The following NKAIN2 variants were observed in gnomAD, a reference collection of about 807,000 sequenced individuals.
The protein encoded by NKAIN2 is sodium/potassium-transporting ATPase subunit beta-1-interacting protein 2.
Under a neutral mutation model 32.6 loss-of-function variants are expected in NKAIN2, and 14 were observed. The ratio of observed to expected loss-of-function variants is 0.43; its 90% CI spans 0.28 to 0.67. The LOEUF (loss-of-function observed/expected upper bound fraction) is 0.67. Among genes scored for constraint, NKAIN2 ranks in the 30% least tolerant of loss-of-function variants. The pLI is 0.17. For synonymous variants in NKAIN2, 80 were observed against 87.2 expected (o/e 0.92, Z 0.46); for missense variants, 198 against 258.3 (o/e 0.77, Z 1.60).
At chr6:124,347,001 C>T (rs1030605988) in intron 2 of NKAIN2, among the ~76,000 whole-genome samples, 9 of 152,130 alleles carry the variant, frequency 5.9e-5, no homozygotes, top group Admixed American at 2.0e-4. Context: ...TTTAGTGCTT[C>T]CTTCAGGAGC....
intron 4 of NKAIN2, among the ~76,000 whole-genome samples, chr6:124,767,562 C>T (rs984695163): frequency 6.6e-6 from 1 of 152,192 alleles, no homozygotes; most frequent in African/African-American, 2.4e-5. Flanking sequence ...AATATCTACT[C>T]AGCTCTTTAT....
chr6:124,819,460 T>G (rs1369294501), intron 6 of NKAIN2, among the ~76,000 whole-genome samples: 1 of 152,202 alleles, frequency 6.6e-6, no homozygotes, highest in Non-Finnish European at 1.5e-5. Context: ...AAAACAGACT[T>G]TAGCAGTTCA....
At chr6:123,940,370 G>GTA (rs1392697746) in intron 1 of NKAIN2, among the ~76,000 whole-genome samples, 1 of 148,242 alleles carries the variant, frequency 6.7e-6, no homozygotes, top group Non-Finnish European at 1.5e-5. Flanking sequence ...GTGTGTATAT[G>GTA]TATATATATA....
At chr6:124,616,615 C>T (rs533621594) in intron 3 of NKAIN2, among the ~76,000 whole-genome samples, 52 of 150,976 alleles carry the variant, frequency 3.4e-4, no homozygotes, top group African/African-American at 1.2e-3. Context: ...CAGCCGCCCG[C>T]CACCACGCCC....
chr6:124,340,378 T>A (rs751372406), intron 2 of NKAIN2, among the ~76,000 whole-genome samples: 15 of 152,172 alleles, frequency 9.9e-5, no homozygotes, highest in Non-Finnish European at 2.1e-4. Context: ...GCCTTTTCTT[T>A]TTTTAGCTTT....
intron 4 of NKAIN2, among the ~76,000 whole-genome samples, chr6:124,671,299 G>T (rs937724503): frequency 2.0e-5 from 3 of 151,996 alleles, no homozygotes; most frequent in Non-Finnish European, 4.4e-5. Flanking sequence ...TATTATTGAG[G>T]TTATAACGTT....
rs1005830963 is a variant in NKAIN2, at chr6:123,982,023, A to C, written c.54+177769A>C. On this transcript the variant is annotated intron_variant, in intron 1 of 6. Transcript: ENST00000368417. ...CTATGTAATCTTTTTATAAGCTTGA[A>C]ACATTTTCTGTAGGTTAAGTCTAGC... Among the ~76,000 whole-genome samples the C allele has an allele frequency of 2.6e-5, 4 of 152,202 alleles. No individual in the cohort carries two copies. In the East Asian group the frequency reaches 5.8e-4, roughly 22 times the overall value.
chr6:124,815,443 T>C (rs1209203039), intron 5 of NKAIN2, among the ~76,000 whole-genome samples: 2 of 151,898 alleles, frequency 1.3e-5, no homozygotes, highest in Non-Finnish European at 2.9e-5. Context: ...TTAATTTTTG[T>C]ATTTTTAGTA....
chr6:123,867,755 A>G (rs1419145081), intron 1 of NKAIN2, among the ~76,000 whole-genome samples: 2 of 152,130 alleles, frequency 1.3e-5, no homozygotes, highest in African/African-American at 2.4e-5. Flanking sequence ...AATCTTTCTC[A>G]AAGCACACCT....
rs5879701 is a variant in NKAIN2, at chr6:123,827,820, TAA to T, written c.54+23575_54+23576del. Among the ~76,000 whole-genome samples the T allele has an allele frequency of 3.4e-5, 5 of 148,870 alleles. No homozygotes were observed. The East Asian group carries it at 5.9e-4, about 18-fold the overall frequency. ...GAAACATAAATAGCATTGGCTCTGTTAAAAAAAAAATTACAGAGTAGAATTAG... is the reference window on the plus strand; with the variant it reads ...GAAACATAAATAGCATTGGCTCTGTTAAAAAAAATTACAGAGTAGAATTAG... On this transcript the variant is annotated intron_variant, in intron 1 of 6. Coordinates refer to ENST00000368417, the MANE Select transcript of NKAIN2 (RefSeq NM_001040214.3).
chr6:124,192,618 G>T (rs1207607023), intron 1 of NKAIN2, among the ~76,000 whole-genome samples: 1 of 151,846 alleles, frequency 6.6e-6, no homozygotes, highest in Non-Finnish European at 1.5e-5. Flanking sequence ...GGAATCAATA[G>T]AGTTGTTTAG....
At chr6:124,331,528 C>CAAAAAA (rs764118499) in intron 2 of NKAIN2, among the ~76,000 whole-genome samples, 2 of 66,934 alleles carry the variant, frequency 3.0e-5, no homozygotes, top group African/African-American at 1.1e-4. Flanking sequence ...GACTCCGTCT[C>CAAAAAA]AAAAAAAAAA....
At chr6:123,976,340 TATGTTCCC>T (rs1188629844) in intron 1 of NKAIN2, among the ~76,000 whole-genome samples, 2 of 24,428 alleles carry the variant, frequency 8.2e-5, no homozygotes, top group African/African-American at 3.3e-4. Flanking sequence ...CATATATATA[TATGTTCCC>T]ATATATATAT....
intron 3 of NKAIN2, among the ~76,000 whole-genome samples, chr6:124,474,154 G>A (rs888717317): frequency 9.2e-5 from 14 of 151,576 alleles, no homozygotes; most frequent in South Asian, 4.2e-4. Context: ...CCAGGCTAGC[G>A]TGCAGTGGTA....
intron 1 of NKAIN2, among the ~76,000 whole-genome samples, chr6:123,810,508 A>T (rs1188689225): frequency 6.6e-6 from 1 of 152,198 alleles, no homozygotes; most frequent in Non-Finnish European, 1.5e-5. Flanking sequence ...GCAGAAGGGG[A>T]ATCTCCTCGC....
chr6:124,528,982 T>A (rs1161920451), intron 3 of NKAIN2, among the ~76,000 whole-genome samples: 1 of 152,176 alleles, frequency 6.6e-6, no homozygotes, highest in Non-Finnish European at 1.5e-5. Flanking sequence ...AATTTTAAGG[T>A]CTAGACAACC....
chr6:124,357,208 T>C (rs1204268160), intron 3 of NKAIN2, among the ~76,000 whole-genome samples: 2 of 152,134 alleles, frequency 1.3e-5, no homozygotes, highest in African/African-American at 4.8e-5. Context: ...CACATGAAAA[T>C]TTAATAATTT....
At chr6:124,302,772 G>T (rs190384150) in intron 2 of NKAIN2, among the ~76,000 whole-genome samples, 114 of 152,166 alleles carry the variant, frequency 7.5e-4, no homozygotes, top group African/African-American at 2.6e-3. Context: ...AAACTTAGAA[G>T]AAACATCCAT....
chr6:124,018,292 C>T (rs1780685138), intron 1 of NKAIN2, among the ~76,000 whole-genome samples: 1 of 152,144 alleles, frequency 6.6e-6, no homozygotes, highest in Admixed American at 6.5e-5. Context: ...TTTCCTTCTA[C>T]ACTCTGGGCC....
Sources: allele counts gnomAD v4.1 joint callset (sites outside exome capture counted in the v4.1 genomes callset), GRCh38; gene constraint gnomAD v4.1.1; transcripts MANE v1.5; gene names NCBI Gene and HGNC (gene_info 2026-07-23, HGNC 2026-07-21).